The following TMEM132D variants were observed in gnomAD, a reference collection of about 807,000 sequenced individuals.
TMEM132D encodes the protein mature OL transmembrane protein.
Under a neutral mutation model 62.3 loss-of-function variants are expected in TMEM132D, and 21 were observed. That is an observed-to-expected ratio of 0.34 (90% CI 0.24 to 0.49). The LOEUF (loss-of-function observed/expected upper bound fraction) is 0.49, where lower values mean the gene tolerates loss of function less well. Ranked by LOEUF, TMEM132D falls within the 20% of genes least tolerant of loss-of-function variation. The probability of loss-of-function intolerance (pLI) is 0.99; values close to 1 mark genes in which losing one functional copy is unlikely to be tolerated. For synonymous variants in TMEM132D, 621 were observed against 575.6 expected (o/e 1.08, Z -1.13); for missense variants, 1,346 against 1,402.8 (o/e 0.96, Z 0.65).
At chr12:129,439,641 G>T (rs1872884503) in intron 3 of TMEM132D, among the ~76,000 whole-genome samples, 1 of 152,078 alleles carries the variant, frequency 6.6e-6, no homozygotes, top group Non-Finnish European at 1.5e-5. Flanking sequence ...TAGAGACAGG[G>T]TTTCACCATG....
intron 3 of TMEM132D, among the ~76,000 whole-genome samples, chr12:129,501,886 T>C (rs1875154967): frequency 6.6e-6 from 1 of 152,196 alleles, no homozygotes; most frequent in Admixed American, 6.5e-5. Flanking sequence ...TCATCAAAAC[T>C]GGCTCCTAAA....
intron 2 of TMEM132D, among the ~76,000 whole-genome samples, chr12:129,585,366 C>T (rs1047171508): frequency 6.6e-6 from 1 of 152,220 alleles, no homozygotes; most frequent in African/African-American, 2.4e-5. Flanking sequence ...CAAAACCACC[C>T]ATTTGTTTTG....
At chr12:129,177,595 A>C (rs992029202) in intron 5 of TMEM132D, among the ~76,000 whole-genome samples, 2 of 152,088 alleles carry the variant, frequency 1.3e-5, no homozygotes, top group African/African-American at 4.8e-5. Flanking sequence ...CCATCTCTAC[A>C]AAAAATGAAA....
chr12:129,760,397 T>A lies in TMEM132D; in HGVS notation c.80-59699A>T, dbSNP rs549833153. Among the ~76,000 whole-genome samples, 230 of 143,556 alleles carry A rather than the reference T, an allele frequency of 1.6e-3. 1 individual carries two copies. The highest frequency in any genetic ancestry group is 0.011 in the Middle Eastern group (3 of 280). 94.2% of individuals were successfully genotyped at this position (143,556 alleles called of 152,430 possible). ...CCCAGGCTAGAGTGCAGTGGCGCGA[T>A]CTCGGCTCACTGCAAGCTCCGCCTC... On this transcript the variant is annotated intron_variant, in intron 1 of 8. Coordinates refer to ENST00000422113, the MANE Select transcript of TMEM132D (RefSeq NM_133448.3).
At chr12:129,305,169 C>T (rs1333832336) in intron 4 of TMEM132D, among the ~76,000 whole-genome samples, 3 of 152,154 alleles carry the variant, frequency 2.0e-5, no homozygotes, top group Non-Finnish European at 2.9e-5. Context: ...AAGCACAATG[C>T]CAGTTTACAT....
chr12:129,400,568 C>T (rs67638254), intron 3 of TMEM132D, among the ~76,000 whole-genome samples: 42,884 of 151,954 alleles, frequency 0.28, 6,524 homozygotes, highest in East Asian at 0.51. Flanking sequence ...ACACGGTCCT[C>T]CATCCTCTTC....
At chr12:129,767,485 A>G (rs1190236769) in intron 1 of TMEM132D, among the ~76,000 whole-genome samples, 1 of 152,100 alleles carries the variant, frequency 6.6e-6, no homozygotes, top group African/African-American at 2.4e-5. Flanking sequence ...CCTCAGTAAA[A>G]AACAAATCCT....
chr12:129,295,427 C>A (rs897134391), intron 4 of TMEM132D, among the ~76,000 whole-genome samples: 2 of 123,024 alleles, frequency 1.6e-5, no homozygotes, highest in African/African-American at 6.3e-5. Flanking sequence ...TCATATTAGC[C>A]TTTTTTTTTT....
chr12:129,711,143 A>T (rs975892890), intron 1 of TMEM132D, among the ~76,000 whole-genome samples: 1 of 152,156 alleles, frequency 6.6e-6, no homozygotes, highest in Non-Finnish European at 1.5e-5. Context: ...GTAACGCTTC[A>T]TTGGCCCCCT....
chr12:129,833,744 C>G (rs1473188294), intron 1 of TMEM132D, among the ~76,000 whole-genome samples: 1 of 152,176 alleles, frequency 6.6e-6, no homozygotes, highest in Non-Finnish European at 1.5e-5. Flanking sequence ...CCACAGGCAC[C>G]GTCCCCAATT....
chr12:129,168,839 C>T (rs1276276019), intron 5 of TMEM132D, among the ~76,000 whole-genome samples: 3 of 152,088 alleles, frequency 2.0e-5, no homozygotes, highest in African/African-American at 7.2e-5. Context: ...GGTTGAGAAC[C>T]GCTGACCTAA....
intron 1 of TMEM132D, among the ~76,000 whole-genome samples, chr12:129,805,436 T>C (rs1170909368): frequency 6.6e-6 from 1 of 152,034 alleles, no homozygotes; most frequent in Non-Finnish European, 1.5e-5. Context: ...AAACAAGCAA[T>C]GGGGAAAGGA....
chr12:129,779,964 C>T lies in TMEM132D; in HGVS notation c.80-79266G>A, dbSNP rs771117007. 6.6e-5 allele frequency among the ~76,000 whole-genome samples: 10 copies of T among 152,020 alleles called. No homozygotes were observed. Among genetic ancestry groups the T allele is most frequent in the Non-Finnish European group, 1.0e-4 (7 of 68,006 alleles). ...CCATCCTCCGAGAAAGCACTGTCAG[C>T]CCCATTTCATCCATGAGGAATCAGG... On this transcript the variant is annotated intron_variant, in intron 1 of 8. Transcript: ENST00000422113. The surrounding 1 kb of genome is among the most constrained non-coding windows in gnomAD (Gnocchi z 4.1).
intron 5 of TMEM132D, among the ~76,000 whole-genome samples, chr12:129,169,011 C>G (rs1225750649): frequency 6.6e-6 from 1 of 152,198 alleles, no homozygotes; most frequent in Non-Finnish European, 1.5e-5. Context: ...TAAGAATCTA[C>G]CTTTCAAATA....
intron 2 of TMEM132D, among the ~76,000 whole-genome samples, chr12:129,682,057 G>C (rs1880790624): frequency 6.6e-6 from 1 of 152,196 alleles, no homozygotes; most frequent in Non-Finnish European, 1.5e-5. Flanking sequence ...CAAAGAAAAT[G>C]CCTCCTAAGC....
intron 3 of TMEM132D, among the ~76,000 whole-genome samples, chr12:129,484,425 G>C (rs1025357081): frequency 2.0e-5 from 3 of 152,170 alleles, no homozygotes; most frequent in Non-Finnish European, 4.4e-5. Flanking sequence ...CTGCTCCCTT[G>C]ATTCATATTT....
rs1202704822 is a variant in TMEM132D, at chr12:129,397,656, A to C, written c.1116-59839T>G. 4.6e-5 allele frequency among the ~76,000 whole-genome samples: 7 copies of C among 152,328 alleles called. No individual in the cohort carries two copies. The East Asian group carries it at 1.3e-3, about 29-fold the overall frequency. On this transcript the variant is annotated intron_variant, in intron 3 of 8. Coordinates refer to ENST00000422113, the MANE Select transcript of TMEM132D (RefSeq NM_133448.3). Reference sequence around the variant, plus strand: ...TCTCCGATGCCCAGAAATGTGTCTAACATAATCAGTGATTGTGATTGGTTG... The same window carrying C: ...TCTCCGATGCCCAGAAATGTGTCTACCATAATCAGTGATTGTGATTGGTTG...
intron 5 of TMEM132D, among the ~76,000 whole-genome samples, chr12:129,160,089 G>A (rs1019704231): frequency 6.6e-6 from 1 of 152,148 alleles, no homozygotes; most frequent in Non-Finnish European, 1.5e-5. Context: ...CTGATTTGGG[G>A]GCTGCAAATC....
At chr12:129,106,463 A>C (rs1371073083) in intron 5 of TMEM132D, among the ~76,000 whole-genome samples, 1 of 151,216 alleles carries the variant, frequency 6.6e-6, no homozygotes, top group Non-Finnish European at 1.5e-5. Context: ...AATCCCTATC[A>C]AAAAAAAGTT....
Sources: allele counts gnomAD v4.1 joint callset (sites outside exome capture counted in the v4.1 genomes callset), GRCh38; gene constraint gnomAD v4.1.1; non-coding constraint Gnocchi (gnomAD v3.1); transcripts MANE v1.5; gene names NCBI Gene and HGNC (gene_info 2026-07-23, HGNC 2026-07-21).